TMEM143: variants seen among roughly 807,000 people sequenced by gnomAD.
TMEM143 encodes transmembrane protein 143.
Under a neutral mutation model 40.3 loss-of-function variants are expected in TMEM143, and 45 were observed. That is an observed-to-expected ratio of 1.12 (90% CI 0.88 to 1.43). The LOEUF (loss-of-function observed/expected upper bound fraction) is 1.43. Ranked by LOEUF, TMEM143 falls within the 40% of genes most tolerant of loss-of-function variation. The probability of loss-of-function intolerance (pLI) is 0.00; values close to 1 mark genes in which losing one functional copy is unlikely to be tolerated. For missense variants in TMEM143, 620 were observed against 613.4 expected (o/e 1.01, Z -0.11); for synonymous variants, 299 against 282.7 (o/e 1.06, Z -0.58).
intron 2 of TMEM143, among the ~76,000 whole-genome samples, chr19:48,361,597 C>T (rs1036536711): frequency 3.4e-5 from 5 of 147,470 alleles, no homozygotes; most frequent in African/African-American, 1.0e-4. Context: ...GTGGCACGAT[C>T]TCGGCTCACT....
Position 48,342,548 on chromosome 19 carries a change from C to T in TMEM143, c.957G>A (p.Met319Ile). The T allele has an allele frequency of 1.9e-6, 3 of 1,610,092 alleles. No homozygotes were observed. Among genetic ancestry groups the T allele is most frequent in the Non-Finnish European group, 2.5e-6 (3 of 1,178,984 alleles). The change falls in exon 6 of 8, where the codon ATG (methionine) becomes ATA (isoleucine). Residue 319 changes from methionine to isoleucine, a missense_variant. Physicochemically the swap from Met to Ile is conservative, Grantham distance 10. Transcript: ENST00000293261. ...TGCTCACCTTGGAGGCCCGCAGGCC[C>T]ATGAAGATGGCGAAGAGCAGCAGCA... is the stretch of plus-strand genomic sequence containing the variant. ...SLLLLLFAIF[M>I]GLRASKMFGQ...
chr19:48,343,700 A>G (rs1969562950), intron 4 of TMEM143, among the ~76,000 whole-genome samples: 1 of 151,978 alleles, frequency 6.6e-6, no homozygotes, highest in Admixed American at 6.6e-5. Context: ...GGTGCCACTG[A>G]CTCTACCTGA....
intron 4 of TMEM143, among the ~76,000 whole-genome samples, chr19:48,343,937 A>G (rs2147366453): frequency 6.6e-6 from 1 of 152,248 alleles, no homozygotes; most frequent in Non-Finnish European, 1.5e-5. Context: ...CCCAGGCGGG[A>G]GTGCAGTGGC....
rs1062918 is a variant in TMEM143, at chr19:48,332,979, G to A, written c.*240C>T. On this transcript the variant is annotated 3_prime_UTR_variant, in exon 8 of 8. Coordinates refer to ENST00000293261, the MANE Select transcript of TMEM143 (RefSeq NM_018273.4). ...TATGGTGAGGGTGGGACTAAGAAAT[G>A]GAACAGAAGCAGAGCTAAATCGCTT... is the stretch of plus-strand genomic sequence containing the variant. The A allele has an allele frequency of 0.4, 145,187 of 366,012 alleles. 29,768 individuals are homozygous for A. Among genetic ancestry groups the A allele is most frequent in the Non-Finnish European group, 0.43 (88,308 of 204,090 alleles). 22.7% of individuals were successfully genotyped at this position (366,012 alleles called of 1,614,324 possible). A position where few individuals can be genotyped will look rare whatever the true frequency, so the allele number is the denominator to read the frequency against.
In TMEM143 at chr19:48,333,968, G is replaced by T; in HGVS notation, c.1165+40C>A. On this transcript the variant is annotated intron_variant, in intron 7 of 7. Coordinates refer to ENST00000293261, the MANE Select transcript of TMEM143 (RefSeq NM_018273.4). This position sits in a 1 kb window ranked among gnomAD's most constrained non-coding sequence, Gnocchi z 4.1. ...CTCGCTGGGGCGGGGCCTCGCGGGG[G>T]TGTGGCCCCTGGGGGCAGGGTCCCA... is the stretch of plus-strand genomic sequence containing the variant. The T allele has an allele frequency of 1.3e-6, 2 of 1,489,490 alleles. No homozygotes were observed. Among genetic ancestry groups the T allele is most frequent in the South Asian group, 1.3e-5 (1 of 79,344 alleles). 92.3% of individuals were successfully genotyped at this position (1,489,490 alleles called of 1,614,324 possible).
At chr19:48,349,174 AGAG>A (rs1969710973) in intron 3 of TMEM143, among the ~76,000 whole-genome samples, 1 of 152,166 alleles carries the variant, frequency 6.6e-6, no homozygotes, top group Non-Finnish European at 1.5e-5. Context: ...CCTGGGCAAC[AGAG>A]AAGACCCTGT....
chr19:48,340,450 T>C (rs1011890392), intron 6 of TMEM143, among the ~76,000 whole-genome samples: 4 of 151,738 alleles, frequency 2.6e-5, no homozygotes, highest in Non-Finnish European at 4.4e-5. Context: ...TATTTTTTGA[T>C]TTGGGGTTTC....
rs188892273 is a variant in TMEM143 at position 48,353,427 on chromosome 19, A to G, written c.369+6645T>C. Among the ~76,000 whole-genome samples the G allele has an allele frequency of 5.6e-3, 841 of 150,764 alleles. 23 individuals are homozygous for G. Among genetic ancestry groups the G allele is most frequent in the African/African-American group, 0.02 (811 of 40,810 alleles). Reference sequence around the variant, plus strand: ...TCGAACTCCTGACCTCAAGCAATCCACCCGCCTTGGCCTCCTAAAGTGCTG... The same window carrying G: ...TCGAACTCCTGACCTCAAGCAATCCGCCCGCCTTGGCCTCCTAAAGTGCTG... On this transcript the variant is annotated intron_variant, in intron 3 of 7. Coordinates refer to ENST00000293261, the MANE Select transcript of TMEM143 (RefSeq NM_018273.4).
chr19:48,360,037 C>T (rs185976548), intron 3 of TMEM143, 35 bp downstream of exon 3: 3 of 1,596,318 alleles, frequency 1.9e-6, no homozygotes, highest in East Asian at 2.2e-5. Flanking sequence ...GATGCTCGAA[C>T]AAGCACCACA....
At chr19:48,357,415 G>A (rs1461234258) in intron 3 of TMEM143, among the ~76,000 whole-genome samples, 20 of 143,392 alleles carry the variant, frequency 1.4e-4, no homozygotes, top group South Asian at 2.2e-4. Flanking sequence ...GTGCGGTGGC[G>A]CAATCTTGGC....
chr19:48,346,320 G>C (rs556418885), intron 3 of TMEM143, among the ~76,000 whole-genome samples: 31 of 150,760 alleles, frequency 2.1e-4, no homozygotes, highest in African/African-American at 7.6e-4. Context: ...TCGAATTCCT[G>C]ACCTCAAGTG....
chr19:48,351,808 AAC>A (rs1237845856), intron 3 of TMEM143, among the ~76,000 whole-genome samples: 1 of 152,088 alleles, frequency 6.6e-6, no homozygotes, highest in African/African-American at 2.4e-5. Flanking sequence ...GAAACTGAAA[AAC>A]ACCCCCTCCC....
intron 3 of TMEM143, among the ~76,000 whole-genome samples, chr19:48,352,569 G>C (rs1969802014): frequency 6.6e-6 from 1 of 151,888 alleles, no homozygotes; most frequent in Non-Finnish European, 1.5e-5. Flanking sequence ...GAGGCCAGGA[G>C]TTCCAGACCA....
At chr19:48,352,926 T>A (rs1969808860) in intron 3 of TMEM143, among the ~76,000 whole-genome samples, 1 of 152,094 alleles carries the variant, frequency 6.6e-6, no homozygotes. Context: ...CACGTATACT[T>A]TAAATAATCA....
chr19:48,345,541 C>T (rs1211368620), intron 3 of TMEM143, among the ~76,000 whole-genome samples, 187 bp from the exon 4 acceptor site: 1 of 151,842 alleles, frequency 6.6e-6, no homozygotes, highest in Non-Finnish European at 1.5e-5. Context: ...TCACTGCAAC[C>T]TCCACCTCCC....
rs187751428 is a variant in TMEM143 at position 48,347,587 on chromosome 19, C to G, written c.370-2233G>C. Among the ~76,000 whole-genome samples, 4 of 144,134 alleles carry G rather than the reference C, an allele frequency of 2.8e-5. 1 individual carries two copies. In the Admixed American group the frequency reaches 2.9e-4, roughly 10 times the overall value. The allele number at this position is 144,134 out of a possible 152,430, so 94.6% of individuals were successfully genotyped here. A position where few individuals can be genotyped will look rare whatever the true frequency, so the allele number is the denominator to read the frequency against. ...TTTTTTTTTTTTTGAGACAGAGTCT[C>G]GCTCTGTTGCCCAGGCGGCAGTGCA... On this transcript the variant is annotated intron_variant, in intron 3 of 7. Coordinates refer to ENST00000293261, the MANE Select transcript of TMEM143 (RefSeq NM_018273.4).
chr19:48,334,471 TTTCTTTC>T (rs869223390), intron 6 of TMEM143, among the ~76,000 whole-genome samples: 3 of 52,344 alleles, frequency 5.7e-5, no homozygotes, highest in Admixed American at 2.1e-4. Flanking sequence ...TCTTTCTTTC[TTTCTTTC>T]TTTTTCTTTC....
chr19:48,335,163 G>C (rs1600893183), intron 6 of TMEM143, among the ~76,000 whole-genome samples: 1 of 152,306 alleles, frequency 6.6e-6, no homozygotes, highest in Non-Finnish European at 1.5e-5. Context: ...AGGTCTTCAG[G>C]GGAAATCTGA....
At chr19:48,351,096 G>A (rs182373183) in intron 3 of TMEM143, among the ~76,000 whole-genome samples, 236 of 151,946 alleles carry the variant, frequency 1.6e-3, no homozygotes, top group African/African-American at 5.2e-3. Flanking sequence ...AGATTCACAC[G>A]GCTGGGCGTC....
Sources: allele counts gnomAD v4.1 joint callset (sites outside exome capture counted in the v4.1 genomes callset), GRCh38; gene constraint gnomAD v4.1.1; non-coding constraint Gnocchi (gnomAD v3.1); transcripts MANE v1.5; gene names NCBI Gene and HGNC (gene_info 2026-07-23, HGNC 2026-07-21).